Variants in DISC1 observed in about 807,000 individuals in gnomAD.
DISC1 encodes the protein DISC1 scaffold protein.
DISC1 carries 57 observed loss-of-function variants against 84.5 expected under a neutral mutation model. That is an observed-to-expected ratio of 0.67 (90% confidence interval 0.55 to 0.84). DISC1 has a LOEUF of 0.84. DISC1 is among the 40% of genes least tolerant of loss of function. The pLI, the probability that DISC1 is intolerant of heterozygous loss-of-function variation, is 0.00. For synonymous variants in DISC1, 411 were observed against 415.2 expected (o/e 0.99, Z 0.12); for missense variants, 1,000 against 1,057.8 (o/e 0.95, Z 0.76).
intron 3 of DISC1, among the ~76,000 whole-genome samples, chr1:231,734,980 A>C (rs2072285276): frequency 6.6e-6 from 1 of 152,232 alleles, no homozygotes; most frequent in African/African-American, 2.4e-5. Flanking sequence ...AGGAAACCAA[A>C]TCTCCACTTT....
intron 11 of DISC1, among the ~76,000 whole-genome samples, chr1:232,016,667 C>T (rs916196503): frequency 6.6e-6 from 1 of 152,206 alleles, no homozygotes; most frequent in African/African-American, 2.4e-5. Flanking sequence ...CAAGCAATTT[C>T]TTCTTCTAAC....
At chr1:231,877,995 G>T (rs925512991) in intron 9 of DISC1, among the ~76,000 whole-genome samples, 2 of 152,186 alleles carry the variant, frequency 1.3e-5, no homozygotes, top group Non-Finnish European at 2.9e-5. Flanking sequence ...GCAGCAGAAA[G>T]GAATTAAACA....
intron 9 of DISC1, among the ~76,000 whole-genome samples, chr1:231,943,311 A>T (rs979676841): frequency 6.6e-6 from 1 of 152,282 alleles, no homozygotes; most frequent in Non-Finnish European, 1.5e-5. Flanking sequence ...ATGCACCAGC[A>T]TTGGTGAGGA....
intron 9 of DISC1, among the ~76,000 whole-genome samples, chr1:231,855,896 T>C (rs925114157): frequency 1.3e-5 from 2 of 152,230 alleles, no homozygotes; most frequent in African/African-American, 4.8e-5. Flanking sequence ...ATTAATTTTA[T>C]GTGATATCCA....
At chr1:231,752,962 G>C (rs1357120967) in intron 4 of DISC1, among the ~76,000 whole-genome samples, 1 of 152,254 alleles carries the variant, frequency 6.6e-6, no homozygotes, top group Admixed American at 6.5e-5. Context: ...ACTGGTGCAA[G>C]GAGTGGGCTC....
Position 231,694,308 on chromosome 1 carries a change from A to G in DISC1, c.550A>G (p.Ser184Gly), listed in dbSNP as rs751883731. The part of the protein sequence containing the change: ...AGSLPSAELS[S>G]NSCSPGCGPE... ...CTCTCTGCCATCAGCAGAGTTGAGT[A>G]GCAACAGCTGCAGCCCTGGCTGTGG... The change falls in exon 2 of 13, where the codon AGC (serine) becomes GGC (glycine). Residue 184 changes from serine (S) to glycine (G), a missense_variant. Coordinates refer to ENST00000439617, the MANE Select transcript of DISC1 (RefSeq NM_018662.3). 5 of 1,614,252 alleles carry G rather than the reference A, an allele frequency of 3.1e-6. No individual in the cohort carries two copies. The South Asian group carries it at 5.5e-5, about 18-fold the overall frequency.
intron 6 of DISC1, among the ~76,000 whole-genome samples, chr1:231,794,181 C>G (rs1302360615): frequency 3.3e-5 from 5 of 152,174 alleles, no homozygotes. Context: ...CCCTGTTTAT[C>G]TTTCACAACT....
At chr1:231,734,542 C>T (rs955355147) in intron 3 of DISC1, among the ~76,000 whole-genome samples, 1 of 152,124 alleles carries the variant, frequency 6.6e-6, no homozygotes, top group African/African-American at 2.4e-5. Flanking sequence ...CACAAGCTTG[C>T]TAGAGCTTGC....
chr1:231,869,569 T>C (rs774567241), intron 9 of DISC1, among the ~76,000 whole-genome samples: 1 of 151,694 alleles, frequency 6.6e-6, no homozygotes, highest in African/African-American at 2.4e-5. Context: ...CTCTCTCTCT[T>C]GCTTCCTCTC....
At chr1:231,888,850 A>C (rs955868931) in intron 9 of DISC1, among the ~76,000 whole-genome samples, 3 of 151,710 alleles carry the variant, frequency 2.0e-5, no homozygotes, top group African/African-American at 7.3e-5. Flanking sequence ...TCAGGGGCCC[A>C]GAGGATGCTT....
intron 9 of DISC1, among the ~76,000 whole-genome samples, chr1:231,871,435 T>C (rs9432023): frequency 0.39 from 59,102 of 151,986 alleles, 11,651 homozygotes; most frequent in African/African-American, 0.45. Context: ...GCACCAACAG[T>C]GAACACAGCC....
intron 12 of DISC1, among the ~76,000 whole-genome samples, chr1:232,030,226 C>A (rs1333565890): frequency 2.0e-5 from 3 of 152,172 alleles, no homozygotes; most frequent in Non-Finnish European, 4.4e-5. Flanking sequence ...ATCTGGGGTC[C>A]TAATTAGCAG....
intron 4 of DISC1, among the ~76,000 whole-genome samples, chr1:231,759,526 C>CAAAAAAA: frequency 5.4e-3 from 259 of 47,832 alleles, no homozygotes; most frequent in Middle Eastern, 0.033. Flanking sequence ...CCCATCTCTA[C>CAAAAAAA]AAAAAAAAAA....
At chr1:231,824,917 T>C (rs2759357) in intron 9 of DISC1, among the ~76,000 whole-genome samples, 35,837 of 144,732 alleles carry the variant, frequency 0.25, 4,496 homozygotes, top group East Asian at 0.42. Context: ...CATCCACCCA[T>C]CCATCCATCC....
intron 1 of DISC1, among the ~76,000 whole-genome samples, chr1:231,633,866 C>T (rs1157156331): frequency 6.7e-6 from 1 of 148,518 alleles, no homozygotes; most frequent in Non-Finnish European, 1.5e-5. Flanking sequence ...CCTAACTTTT[C>T]TTTTTCATAC....
At chr1:231,875,535 C>T (rs2085818713) in intron 9 of DISC1, among the ~76,000 whole-genome samples, 1 of 152,232 alleles carries the variant, frequency 6.6e-6, no homozygotes, top group South Asian at 2.1e-4. Flanking sequence ...CTTGACCTCA[C>T]TTCCCTGGCC....
intron 3 of DISC1, among the ~76,000 whole-genome samples, chr1:231,740,635 A>G (rs2793095): frequency 0.97 from 147,276 of 152,304 alleles, 71,388 homozygotes; most frequent in East Asian, 1. Context: ...AAATGCTTAG[A>G]ACCAGAAGTG....
intron 12 of DISC1, among the ~76,000 whole-genome samples, chr1:232,029,562 C>T (rs1038784230): frequency 3.3e-5 from 5 of 152,146 alleles, no homozygotes; most frequent in Admixed American, 1.3e-4. Context: ...GTCAACAATA[C>T]AGAAGGATTG....
chr1:231,988,189 T>G (rs1664724271), intron 10 of DISC1, among the ~76,000 whole-genome samples: 1 of 152,028 alleles, frequency 6.6e-6, no homozygotes, highest in South Asian at 2.1e-4. Context: ...CTGTCTCAAA[T>G]AAAAAAGAAC....
Sources: allele counts gnomAD v4.1 joint callset (sites outside exome capture counted in the v4.1 genomes callset), GRCh38; gene constraint gnomAD v4.1.1; transcripts MANE v1.5; gene names NCBI Gene and HGNC (gene_info 2026-07-23, HGNC 2026-07-21).